The following PLXNA4 variants were observed in gnomAD, a reference collection of about 807,000 sequenced individuals.
The protein encoded by PLXNA4 is plexin-A4.
Under a neutral mutation model 191.8 loss-of-function variants are expected in PLXNA4, and 44 were observed. That is an observed-to-expected ratio of 0.23 (90% CI 0.18 to 0.29). The LOEUF (loss-of-function observed/expected upper bound fraction) is 0.29, where lower values mean the gene tolerates loss of function less well. Ranked by LOEUF, PLXNA4 falls within the 10% of genes least tolerant of loss-of-function variation. The probability of loss-of-function intolerance (pLI) is 1.00; values close to 1 mark genes in which losing one functional copy is unlikely to be tolerated. For synonymous variants in PLXNA4, 1,082 were observed against 1,009.5 expected (o/e 1.07, Z -1.36); for missense variants, 1,800 against 2,488.8 (o/e 0.72, Z 5.89).
intron 2 of PLXNA4, among the ~76,000 whole-genome samples, chr7:132,622,163 C>T (rs1450483216): frequency 6.6e-6 from 1 of 152,168 alleles, no homozygotes; most frequent in Non-Finnish European, 1.5e-5. Context: ...CACAATCTTC[C>T]ATGCTGTCCT....
chr7:132,451,196 G>A (rs761870559), intron 3 of PLXNA4, among the ~76,000 whole-genome samples: 35 of 152,312 alleles, frequency 2.3e-4, no homozygotes, highest in Non-Finnish European at 4.6e-4. Context: ...CACAGCTGAG[G>A]CCTCATCCAC....
At chr7:132,515,286 A>G (rs1347133243) in intron 1 of PLXNA4, among the ~76,000 whole-genome samples, 1 of 152,186 alleles carries the variant, frequency 6.6e-6, no homozygotes, top group African/African-American at 2.4e-5. Context: ...AAGGATAGAG[A>G]GTACTGGGTC....
rs1794860635 is a variant in PLXNA4, at chr7:132,129,294, T to C, written c.*1185A>G. The C allele has an allele frequency of 6.6e-6, 1 of 152,234 alleles. No individual in the cohort carries two copies. The highest frequency in any genetic ancestry group is 1.5e-5 in the Non-Finnish European group (1 of 68,070). The allele number at this position is 152,234 out of a possible 1,614,324, so 9.4% of individuals were successfully genotyped here. A position where few individuals can be genotyped will look rare whatever the true frequency, so the allele number is the denominator to read the frequency against. On this transcript the variant is annotated 3_prime_UTR_variant, in exon 32 of 32. Coordinates refer to ENST00000321063, the MANE Select transcript of PLXNA4 (RefSeq NM_020911.2). ...TGATGAGAGACAGCTGAGATGTTGA[T>C]GAAATCATTCCCAAAGAGGTCTGGA...
intron 3 of PLXNA4, among the ~76,000 whole-genome samples, chr7:132,361,202 G>A (rs1456684579): frequency 6.6e-6 from 1 of 152,132 alleles, no homozygotes; most frequent in South Asian, 2.1e-4. Flanking sequence ...AGTGTCGCAG[G>A]TTGGCAGATG....
chr7:132,235,114 C>A (rs1398584182), intron 5 of PLXNA4, among the ~76,000 whole-genome samples: 1 of 152,326 alleles, frequency 6.6e-6, no homozygotes, highest in Non-Finnish European at 1.5e-5. Context: ...GCTCCAGCAC[C>A]AGCCACAGCC....
chr7:132,145,629 A>G, intron 28 of PLXNA4: 1 of 296,966 alleles, frequency 3.4e-6, no homozygotes. Context: ...GAGCAGACAA[A>G]CACAATCTGC....
chr7:132,522,985 T>C (rs1342230322), intron 1 of PLXNA4, among the ~76,000 whole-genome samples: 1 of 151,934 alleles, frequency 6.6e-6, no homozygotes, highest in African/African-American at 2.4e-5. Context: ...GGTGGCACCA[T>C]TGGGCAAGCT....
At chr7:132,189,062 GA>G (rs1334971527) in intron 14 of PLXNA4, among the ~76,000 whole-genome samples, 3 of 134,528 alleles carry the variant, frequency 2.2e-5, no homozygotes, top group Non-Finnish European at 3.2e-5. Flanking sequence ...GAGAGAGAGA[GA>G]GAGAAGATTG....
At chr7:132,305,084 T>C (rs1162371522) in intron 3 of PLXNA4, among the ~76,000 whole-genome samples, 1 of 152,152 alleles carries the variant, frequency 6.6e-6, no homozygotes, top group Non-Finnish European at 1.5e-5. Flanking sequence ...GCCAGAATCG[T>C]TGCTGTGGGA....
chr7:132,509,041 A>C (rs1184039614), intron 1 of PLXNA4, among the ~76,000 whole-genome samples: 1 of 152,136 alleles, frequency 6.6e-6, no homozygotes, highest in Non-Finnish European at 1.5e-5. Flanking sequence ...GATGATGATG[A>C]TCATGATTAA....
intron 3 of PLXNA4, among the ~76,000 whole-genome samples, chr7:132,400,719 C>T (rs1028342662): frequency 5.9e-5 from 9 of 152,184 alleles, no homozygotes; most frequent in African/African-American, 2.2e-4. Flanking sequence ...GTGGCCACAG[C>T]TACTCCCCAA....
chr7:132,212,372 G>T (rs1303901568), intron 9 of PLXNA4, among the ~76,000 whole-genome samples: 1 of 152,148 alleles, frequency 6.6e-6, no homozygotes, highest in East Asian at 1.9e-4. Context: ...GTCCCTCCCA[G>T]GTCCCAGAGC....
In PLXNA4 at chr7:132,142,100, A is replaced by G. The variant is rs865892927; in HGVS notation, c.5226-1289T>C. ...GATGGGCTGCAGACAGGAAATCTGC[A>G]TTAACAAAGACAAAGAGGGAAAAGT... On this transcript the variant is annotated intron_variant, in intron 29 of 31. Coordinates refer to ENST00000321063, the MANE Select transcript of PLXNA4 (RefSeq NM_020911.2). Among the ~76,000 whole-genome samples the G allele has an allele frequency of 6.6e-5, 10 of 152,220 alleles. No homozygotes were observed. In the South Asian group the frequency reaches 1.4e-3, roughly 22 times the overall value.
intron 3 of PLXNA4, among the ~76,000 whole-genome samples, chr7:132,400,290 CAT>C (rs1253849409): frequency 6.6e-6 from 1 of 152,114 alleles, no homozygotes; most frequent in Non-Finnish European, 1.5e-5. Context: ...TCTAAGTTCC[CAT>C]GTGACACTGA....
At chr7:132,328,842 T>C (rs112241841) in intron 3 of PLXNA4, among the ~76,000 whole-genome samples, 1,704 of 152,286 alleles carry the variant, frequency 0.011, 49 homozygotes, top group African/African-American at 0.04. Flanking sequence ...GTCCTGCTCA[T>C]GGCAACTCTG....
intron 3 of PLXNA4, among the ~76,000 whole-genome samples, chr7:132,363,279 C>G (rs1804021260): frequency 6.6e-6 from 1 of 152,200 alleles, no homozygotes; most frequent in African/African-American, 2.4e-5. Flanking sequence ...GCCACCGCAC[C>G]CAGTCCCCAG....
intron 3 of PLXNA4, chr7:132,367,507 G>A (rs530212757): frequency 2.6e-5 from 4 of 152,244 alleles, no homozygotes; most frequent in African/African-American, 7.2e-5. Flanking sequence ...TGAAGGTATT[G>A]GGAAGAAAGG....
intron 20 of PLXNA4, 128 bp downstream of exon 20, chr7:132,179,559 A>C (rs1796633949): frequency 1.4e-6 from 2 of 1,383,494 alleles, no homozygotes; most frequent in Non-Finnish European, 1.9e-6. Flanking sequence ...AGCCTCCAGC[A>C]CTGCCCACTG....
chr7:132,482,271 G>A (rs1797369413), intron 3 of PLXNA4, among the ~76,000 whole-genome samples: 1 of 152,166 alleles, frequency 6.6e-6, no homozygotes, highest in South Asian at 2.1e-4. Context: ...AAAGACAATG[G>A]CTTGCACCTT....
Sources: gnomAD v4.1 joint callset for allele counts (sites outside exome capture counted in the v4.1 genomes callset) on GRCh38, gnomAD v4.1.1 for gene constraint, MANE v1.5 for transcripts, NCBI Gene and HGNC (gene_info 2026-07-23, HGNC 2026-07-21) for gene names.